The following ANKRD11 variants were observed in gnomAD, a reference collection of about 807,000 sequenced individuals.
The protein encoded by ANKRD11 is ankyrin repeat domain-containing protein 11.
ANKRD11 carries 17 observed loss-of-function variants against 195.7 expected under a neutral mutation model. The ratio of observed to expected loss-of-function variants is 0.09; its 90% CI spans 0.06 to 0.13. The LOEUF (loss-of-function observed/expected upper bound fraction) is 0.13. ANKRD11 is among the 10% of genes least tolerant of loss of function. The probability of loss-of-function intolerance (pLI) is 1.00; values close to 1 mark genes in which losing one functional copy is unlikely to be tolerated. For missense variants in ANKRD11, 3,735 were observed against 3,566.1 expected (o/e 1.05, Z -1.21); for synonymous variants, 1,953 against 1,528.1 (o/e 1.28, Z -6.49).
intron 1 of ANKRD11, among the ~76,000 whole-genome samples, chr16:89,473,486 T>C (rs538733520): frequency 2.0e-5 from 3 of 152,132 alleles, no homozygotes; most frequent in Non-Finnish European, 4.4e-5. Context: ...ATGCAAGGCA[T>C]AGGGCAAACA....
intron 2 of ANKRD11, among the ~76,000 whole-genome samples, chr16:89,417,916 C>A (rs1052504962): frequency 6.6e-6 from 1 of 152,186 alleles, no homozygotes; most frequent in Non-Finnish European, 1.5e-5. Context: ...ACACAACATG[C>A]TCAGAGCACA....
At chr16:89,483,814 C>CAAAAAAAAAA (rs1379249025) in intron 1 of ANKRD11, among the ~76,000 whole-genome samples, 3 of 80,868 alleles carry the variant, frequency 3.7e-5, no homozygotes, top group African/African-American at 9.3e-5. Flanking sequence ...AACTCCATCT[C>CAAAAAAAAAA]AAAAAAAAAA....
At position 89,279,414 on chromosome 16, in the gene ANKRD11, G is replaced by A. The variant is rs4785560; in HGVS notation, c.7128C>T (p.Asp2376=). The A allele has an allele frequency of 6.5e-7, 1 of 1,534,104 alleles. No individual in the cohort carries two copies. Among genetic ancestry groups the A allele is most frequent in the South Asian group, 1.2e-5 (1 of 84,512 alleles). The change falls in exon 9 of 13, where the codon GAC becomes GAT. Residue 2376 remains aspartate (D), a synonymous_variant. Coordinates refer to ENST00000301030, the MANE Select transcript of ANKRD11 (RefSeq NM_013275.6). The surrounding 1 kb of genome is among the most constrained non-coding windows in gnomAD (Gnocchi z 5.6). The stretch of plus-strand genomic sequence containing the variant: ...GCGGATGCTGGGCCTGGGCGTCGTC[G>A]TCCTCGGAGCCGCGGGCCTTGGCCC... The part of the protein sequence containing the change: ...VTRAKARGSE[D]DDAQAQHPRK...
At chr16:89,323,262 C>A in intron 2 of ANKRD11, 1 of 1,276,010 alleles carries the variant, frequency 7.8e-7, no homozygotes, top group Non-Finnish European at 1.0e-6. Context: ...GAGCTGCATA[C>A]CTGGCAGGCC....
In ANKRD11 at chr16:89,448,250, G is replaced by T. The variant is rs929938036; in HGVS notation, c.-144-29882C>A. On this transcript the variant is annotated intron_variant, in intron 1 of 12. Transcript: ENST00000301030. ...GTAAGACTGATAGGTGATGTTTTTAGTTAGGGAGAATATATGTGCAAATTA... is the reference window on the plus strand; with the variant it reads ...GTAAGACTGATAGGTGATGTTTTTATTTAGGGAGAATATATGTGCAAATTA... Among the ~76,000 whole-genome samples the T allele has an allele frequency of 7.5e-5, 11 of 147,138 alleles. No homozygotes were observed. In the East Asian group the frequency reaches 2.4e-3, roughly 32 times the overall value.
At position 89,285,182 on chromosome 16, in the gene ANKRD11, C is replaced by T. The variant is rs149569330; in HGVS notation, c.1360G>A (p.Val454Met). The T allele has an allele frequency of 2.1e-4, 333 of 1,613,412 alleles. No individual in the cohort carries two copies. Among genetic ancestry groups the T allele is most frequent in the Non-Finnish European group, 2.7e-4 (322 of 1,180,014 alleles). ...NAKQQKEKNK[V>M]KKKRKKETKG... is the part of the protein sequence containing the mutation. Reference sequence around the variant, plus strand: ...GTTTCTTTCTTTCGCTTCTTTTTCACTTTATTTTTTTCCTTCTGCTGCTTG... The same window carrying T: ...GTTTCTTTCTTTCGCTTCTTTTTCATTTTATTTTTTTCCTTCTGCTGCTTG... Residue 454 changes from valine to methionine, a missense_variant, in exon 9 of 13, where the codon GTG becomes ATG. By Grantham distance (21) the Val-to-Met change is conservative (BLOSUM62 1). Transcript: ENST00000301030. This position sits in a 1 kb window ranked among gnomAD's most constrained non-coding sequence, Gnocchi z 5.6.
At chr16:89,316,514 T>TCCCA (rs2036967633) in intron 3 of ANKRD11, among the ~76,000 whole-genome samples, 1 of 152,210 alleles carries the variant, frequency 6.6e-6, no homozygotes. Flanking sequence ...ATGCAGTGGT[T>TCCCA]TTGATTGGCA....
In ANKRD11 at chr16:89,286,982, T is replaced by C. The variant is rs140162907; in HGVS notation, c.745-796A>G. On this transcript the variant is annotated intron_variant, in intron 7 of 12. Transcript: ENST00000301030. ...AGTTCGTGTGTGACATGTTCTATTG[T>C]TGAATCAGTACAGAGTTCTTATGTG... 1.0e-3 allele frequency: 1,288 copies of C among 1,289,828 alleles called. 8 individuals carry two copies. The African/African-American group carries it at 0.017, about 17-fold the overall frequency. The allele number at this position is 1,289,828 out of a possible 1,614,324, so 79.9% of individuals were successfully genotyped here.
rs191685494 is a variant in ANKRD11, at chr16:89,431,955, C to T, written c.-144-13587G>A. The stretch of plus-strand genomic sequence containing the variant: ...TGCCTCCTCCTCCCTATCAAAAGCC[C>T]ACTTATAAATCCTGTCCATTTCCAG... On this transcript the variant is annotated intron_variant, in intron 1 of 12. Coordinates refer to ENST00000301030, the MANE Select transcript of ANKRD11 (RefSeq NM_013275.6). Among the ~76,000 whole-genome samples the T allele has an allele frequency of 9.5e-4, 144 of 152,248 alleles. 1 individual carries two copies. Among genetic ancestry groups the T allele is most frequent in the African/African-American group, 3.3e-3 (139 of 41,554 alleles).
intron 2 of ANKRD11, among the ~76,000 whole-genome samples, chr16:89,349,133 G>GAAAAAAAAAA (rs2039078338): frequency 7.6e-3 from 12 of 1,572 alleles, no homozygotes; most frequent in Non-Finnish European, 0.011. Flanking sequence ...GTCTCAAAAA[G>GAAAAAAAAAA]TAAAAAAAAA....
intron 1 of ANKRD11, among the ~76,000 whole-genome samples, chr16:89,462,196 C>G (rs2056702381): frequency 6.6e-6 from 1 of 152,238 alleles, no homozygotes; most frequent in South Asian, 2.1e-4. Flanking sequence ...TCTCCTGACT[C>G]AGCCTGCCGA....
At chr16:89,435,136 G>A (rs1029935648) in intron 1 of ANKRD11, among the ~76,000 whole-genome samples, 23 of 152,114 alleles carry the variant, frequency 1.5e-4, no homozygotes, top group Non-Finnish European at 1.6e-4. Flanking sequence ...ATCAATCAGC[G>A]CTGTCTAGCT....
intron 7 of ANKRD11, chr16:89,287,962 G>C: frequency 2.2e-6 from 1 of 458,508 alleles, no homozygotes; most frequent in Non-Finnish European, 3.8e-6. Context: ...GAGACCCGCC[G>C]CATCTCCAGG....
chr16:89,313,600 A>T, intron 3 of ANKRD11: 1 of 1,288,698 alleles, frequency 7.8e-7, no homozygotes, highest in Non-Finnish European at 1.0e-6. Flanking sequence ...CTAAAAATAT[A>T]TTGTTTTTGA....
intron 1 of ANKRD11, chr16:89,489,231 GC>G (rs1567875788): frequency 2.0e-5 from 3 of 149,306 alleles, no homozygotes; most frequent in Admixed American, 6.6e-5. Flanking sequence ...ACACACGCGC[GC>G]GCGCGCGCGC....
intron 2 of ANKRD11, among the ~76,000 whole-genome samples, chr16:89,347,572 C>T (rs1029884816): frequency 4.1e-5 from 6 of 146,922 alleles, no homozygotes; most frequent in Non-Finnish European, 8.9e-5. Context: ...GATCACGCCA[C>T]TGCATTCCAG....
chr16:89,420,365 G>A (rs1272841293), intron 1 of ANKRD11: 2 of 152,198 alleles, frequency 1.3e-5, no homozygotes, highest in African/African-American at 4.8e-5. Context: ...CGGTCTTCTA[G>A]ATGCCAGTAA....
At chr16:89,290,122 C>A (rs188389676) in intron 6 of ANKRD11, among the ~76,000 whole-genome samples, 2 of 152,278 alleles carry the variant, frequency 1.3e-5, no homozygotes, top group East Asian at 1.9e-4. Flanking sequence ...GGGAACCCCA[C>A]TGGAGTGAGT....
intron 2 of ANKRD11, among the ~76,000 whole-genome samples, chr16:89,368,838 C>T (rs1368155841): frequency 6.6e-6 from 1 of 152,094 alleles, no homozygotes; most frequent in Non-Finnish European, 1.5e-5. Flanking sequence ...AGGTTGACGC[C>T]ACAGTGAGTC....
Sources: gnomAD v4.1 joint callset for allele counts (sites outside exome capture counted in the v4.1 genomes callset) on GRCh38, gnomAD v4.1.1 for gene constraint, Gnocchi (gnomAD v3.1) non-coding constraint, MANE v1.5 for transcripts, NCBI Gene and HGNC (gene_info 2026-07-23, HGNC 2026-07-21) for gene names.